The following PTPRD variants were observed in gnomAD, a reference collection of about 807,000 sequenced individuals.
PTPRD encodes the protein protein tyrosine phosphatase receptor type D.
In PTPRD, 34 loss-of-function variants were observed where a neutral mutation model predicts 214.5. That is an observed-to-expected ratio of 0.16 (90% CI 0.12 to 0.21). The LOEUF (loss-of-function observed/expected upper bound fraction) is 0.21, where lower values mean the gene tolerates loss of function less well. Ranked by LOEUF, PTPRD falls within the 10% of genes least tolerant of loss-of-function variation. PTPRD has a pLI of 1.00. For missense variants in PTPRD, 2,545 were observed against 2,398.7 expected (o/e 1.06, Z -1.27); for synonymous variants, 1,128 against 845.7 (o/e 1.33, Z -5.79).
At chr9:8,510,031 C>G (rs2097645649) in intron 21 of PTPRD, among the ~76,000 whole-genome samples, 1 of 151,998 alleles carries the variant, frequency 6.6e-6, no homozygotes. Context: ...CATCTGTAAC[C>G]CCAGCACTTT....
chr9:9,114,711 A>G lies in PTPRD; in HGVS notation c.-143+68593T>C, dbSNP rs370226619. Among the ~76,000 whole-genome samples, 17 of 152,260 alleles carry G rather than the reference A, an allele frequency of 1.1e-4. No homozygotes were observed. In the South Asian group the frequency reaches 3.5e-3, roughly 32 times the overall value. ...TTTTACAAGCTCCAAAAAATAAGGAAAAAAATCAATGTAACCCTTTTGCCT... is the reference window on the plus strand; with the variant it reads ...TTTTACAAGCTCCAAAAAATAAGGAGAAAAATCAATGTAACCCTTTTGCCT... On this transcript the variant is annotated intron_variant, in intron 10 of 45. Coordinates refer to ENST00000381196, the MANE Select transcript of PTPRD (RefSeq NM_002839.4).
intron 4 of PTPRD, among the ~76,000 whole-genome samples, chr9:10,030,404 C>T (rs560003831): frequency 1.3e-5 from 2 of 152,218 alleles, no homozygotes; most frequent in African/African-American, 4.8e-5. Context: ...AGCTAATGTG[C>T]TATCGAATAG....
At chr9:9,083,936 C>T (rs1173692886) in intron 10 of PTPRD, among the ~76,000 whole-genome samples, 3 of 152,140 alleles carry the variant, frequency 2.0e-5, no homozygotes, top group Admixed American at 6.6e-5. Flanking sequence ...GAAATAGGAA[C>T]ACTTTTACAC....
At chr9:9,106,161 G>C (rs1315995423) in intron 10 of PTPRD, among the ~76,000 whole-genome samples, 3 of 152,166 alleles carry the variant, frequency 2.0e-5, no homozygotes, top group African/African-American at 7.2e-5. Flanking sequence ...GGGTCACTGT[G>C]TTATAGGGCT....
chr9:10,332,054 T>C (rs181371342), intron 3 of PTPRD, among the ~76,000 whole-genome samples: 19 of 151,978 alleles, frequency 1.3e-4, no homozygotes, highest in African/African-American at 3.6e-4. Flanking sequence ...CTTGATTCTA[T>C]AATGCATTTA....
At chr9:10,351,028 G>A (rs1190485123) in intron 2 of PTPRD, among the ~76,000 whole-genome samples, 1 of 152,026 alleles carries the variant, frequency 6.6e-6, no homozygotes, top group Non-Finnish European at 1.5e-5. Context: ...TTAGGGAGAT[G>A]GCATTTGAGC....
At chr9:9,781,761 A>G (rs528662830) in intron 5 of PTPRD, among the ~76,000 whole-genome samples, 68 of 149,032 alleles carry the variant, frequency 4.6e-4, no homozygotes, top group African/African-American at 1.6e-3. Flanking sequence ...ATCTCCCTCT[A>G]TTATCTTTTG....
At chr9:9,010,780 A>T (rs2099508586) in intron 11 of PTPRD, among the ~76,000 whole-genome samples, 1 of 152,054 alleles carries the variant, frequency 6.6e-6, no homozygotes, top group Non-Finnish European at 1.5e-5. Context: ...ACTCTTTTTG[A>T]GTGTGCCATC....
chr9:8,994,359 T>A (rs575274550), intron 11 of PTPRD, among the ~76,000 whole-genome samples: 2 of 152,264 alleles, frequency 1.3e-5, no homozygotes, highest in Admixed American at 6.5e-5. Context: ...TGTAGATAGT[T>A]CCTTCAACAA....
intron 31 of PTPRD, among the ~76,000 whole-genome samples, chr9:8,467,976 C>T (rs1319737292): frequency 1.3e-5 from 2 of 151,834 alleles, no homozygotes; most frequent in Non-Finnish European, 2.9e-5. Flanking sequence ...GACTGTGTCC[C>T]CTCTTCTACT....
At chr9:10,381,585 T>C (rs1403452566) in intron 2 of PTPRD, among the ~76,000 whole-genome samples, 1 of 152,008 alleles carries the variant, frequency 6.6e-6, no homozygotes, top group African/African-American at 2.4e-5. Flanking sequence ...TTTGTTTCTG[T>C]TAGTCTAACC....
chr9:9,582,104 G>C (rs569653408), intron 7 of PTPRD, among the ~76,000 whole-genome samples: 1 of 151,992 alleles, frequency 6.6e-6, no homozygotes, highest in South Asian at 2.1e-4. Flanking sequence ...AGTTTGAGTG[G>C]GTTTAACACT....
At chr9:10,597,531 T>A (rs887909901) in intron 2 of PTPRD, among the ~76,000 whole-genome samples, 1 of 151,796 alleles carries the variant, frequency 6.6e-6, no homozygotes, top group Non-Finnish European at 1.5e-5. Flanking sequence ...TCATTTAATA[T>A]CCACTTTAAA....
chr9:8,834,144 A>G (rs866871034), intron 11 of PTPRD, among the ~76,000 whole-genome samples: 44 of 152,208 alleles, frequency 2.9e-4, no homozygotes, highest in African/African-American at 9.4e-4. Context: ...TTTATTTACT[A>G]TTACACTAGA....
At chr9:8,402,099 G>T (rs1005321443) in intron 36 of PTPRD, among the ~76,000 whole-genome samples, 1 of 152,078 alleles carries the variant, frequency 6.6e-6, no homozygotes, top group Non-Finnish European at 1.5e-5. Flanking sequence ...GCTGGTTAGC[G>T]CTTAGTTTAA....
At chr9:10,393,689 T>TATATATATA (rs531255992) in intron 2 of PTPRD, among the ~76,000 whole-genome samples, 14 of 147,212 alleles carry the variant, frequency 9.5e-5, no homozygotes, top group Admixed American at 6.2e-4. Context: ...GGTCTTGCTA[T>TATATATATA]ATATATATAA....
At chr9:9,457,974 G>A (rs1402383500) in intron 8 of PTPRD, among the ~76,000 whole-genome samples, 2 of 147,212 alleles carry the variant, frequency 1.4e-5, no homozygotes, top group Non-Finnish European at 3.0e-5. Flanking sequence ...AGTAGAAAAA[G>A]TATTTCATAA....
intron 4 of PTPRD, among the ~76,000 whole-genome samples, chr9:9,989,439 G>C (rs996694959): frequency 1.3e-5 from 2 of 152,150 alleles, no homozygotes; most frequent in African/African-American, 4.8e-5. Context: ...GGATGTTGGA[G>C]AGAAGCAGCC....
chr9:10,077,496 C>T (rs2098151844), intron 3 of PTPRD, among the ~76,000 whole-genome samples: 1 of 152,036 alleles, frequency 6.6e-6, no homozygotes, highest in Admixed American at 6.6e-5. Context: ...GTATTTATTA[C>T]TTTTTTTAAC....
Sources: gnomAD v4.1 joint callset for allele counts (sites outside exome capture counted in the v4.1 genomes callset) on GRCh38, gnomAD v4.1.1 for gene constraint, MANE v1.5 for transcripts, NCBI Gene and HGNC (gene_info 2026-07-23, HGNC 2026-07-21) for gene names.